SYN3: variants seen among roughly 807,000 people sequenced by gnomAD.
The protein encoded by SYN3 is synapsin-3.
SYN3 carries 35 observed loss-of-function variants against 65.8 expected under a neutral mutation model. That is an observed-to-expected ratio of 0.53 (90% CI 0.41 to 0.70). The LOEUF (loss-of-function observed/expected upper bound fraction) is 0.70. SYN3 is among the 30% of genes least tolerant of loss of function. The pLI is 0.00. For missense variants in SYN3, 680 were observed against 749.0 expected (o/e 0.91, Z 1.08); for synonymous variants, 270 against 292.9 (o/e 0.92, Z 0.80).
chr22:32,789,062 G>A (rs970381519), intron 6 of SYN3, among the ~76,000 whole-genome samples: 4 of 152,208 alleles, frequency 2.6e-5, no homozygotes, highest in African/African-American at 4.8e-5. Flanking sequence ...AGCTGGCTCC[G>A]GCTCCAGGCC....
chr22:32,849,350 C>A, intron 6 of SYN3: 1 of 945,664 alleles, frequency 1.1e-6, no homozygotes, highest in Non-Finnish European at 1.7e-6. Context: ...GGTAAGAGTG[C>A]AATTCCAGGC....
intron 6 of SYN3, among the ~76,000 whole-genome samples, chr22:32,671,300 G>C (rs915012453): frequency 2.0e-5 from 3 of 150,350 alleles, no homozygotes; most frequent in African/African-American, 7.4e-5. Flanking sequence ...TCACAGACAC[G>C]CACACATTCA....
chr22:32,741,468 G>T (rs2061405153), intron 6 of SYN3, among the ~76,000 whole-genome samples: 1 of 147,106 alleles, frequency 6.8e-6, no homozygotes, highest in Non-Finnish European at 1.5e-5. Context: ...CCATTCTCCT[G>T]CCTCAGCCTC....
chr22:32,824,988 C>T (rs569680563), intron 6 of SYN3, among the ~76,000 whole-genome samples: 4 of 152,276 alleles, frequency 2.6e-5, no homozygotes, highest in African/African-American at 9.6e-5. Context: ...CTTCCTGGCC[C>T]CGCCTGTCTT....
intron 4 of SYN3, among the ~76,000 whole-genome samples, chr22:32,877,137 C>G (rs1441643753): frequency 6.6e-6 from 1 of 152,220 alleles, no homozygotes; most frequent in Non-Finnish European, 1.5e-5. Flanking sequence ...CTGTTAGTCC[C>G]TTTCCACCCC....
At chr22:32,889,493 T>G (rs886958792) in intron 4 of SYN3, among the ~76,000 whole-genome samples, 2 of 151,604 alleles carry the variant, frequency 1.3e-5, no homozygotes, top group Admixed American at 1.3e-4. Context: ...TTAAAGAAAA[T>G]AAAATCAAAT....
At chr22:32,536,945 A>G (rs1329025922) in intron 9 of SYN3, among the ~76,000 whole-genome samples, 5 of 152,162 alleles carry the variant, frequency 3.3e-5, no homozygotes, top group Non-Finnish European at 7.3e-5. Flanking sequence ...GAGTTCTTAG[A>G]GGGAAGGATT....
intron 1 of SYN3, among the ~76,000 whole-genome samples, chr22:33,028,549 G>A (rs1170487155): frequency 6.6e-6 from 1 of 152,072 alleles, no homozygotes; most frequent in East Asian, 1.9e-4. Flanking sequence ...CAGTCTCCAG[G>A]CTGGATGATC....
chr22:33,036,088 A>G (rs2053854597), intron 1 of SYN3, among the ~76,000 whole-genome samples: 1 of 152,220 alleles, frequency 6.6e-6, no homozygotes, highest in East Asian at 1.9e-4. Flanking sequence ...AAGTCTCACA[A>G]GAGTATAAGC....
intron 6 of SYN3, among the ~76,000 whole-genome samples, chr22:32,672,266 G>A (rs904006127): frequency 6.6e-6 from 1 of 152,120 alleles, no homozygotes; most frequent in Non-Finnish European, 1.5e-5. Context: ...CATCTATACA[G>A]TACTGATCCA....
intron 6 of SYN3, among the ~76,000 whole-genome samples, chr22:32,640,033 C>G (rs2059873545): frequency 6.6e-6 from 1 of 152,238 alleles, no homozygotes; most frequent in Non-Finnish European, 1.5e-5. Flanking sequence ...AAACTGTTCT[C>G]TCCACAAACA....
chr22:32,641,830 G>A (rs2059905702), intron 6 of SYN3, among the ~76,000 whole-genome samples: 2 of 152,088 alleles, frequency 1.3e-5, no homozygotes, highest in African/African-American at 2.4e-5. Flanking sequence ...TCTCAATAAA[G>A]CTGATATTAA....
chr22:32,690,596 C>G (rs1266232862), intron 6 of SYN3, among the ~76,000 whole-genome samples: 1 of 152,232 alleles, frequency 6.6e-6, no homozygotes, highest in East Asian at 1.9e-4. Flanking sequence ...TCTCAATGCC[C>G]CCAGTTTACT....
chr22:32,783,083 A>G (rs2046110907), intron 6 of SYN3: 1 of 152,198 alleles, frequency 6.6e-6, no homozygotes, highest in African/African-American at 2.4e-5. Context: ...TCCACAGCAG[A>G]GAACTAAGCT....
chr22:32,510,984 CGTGTGTGTGTGT>C lies in SYN3; in HGVS notation c.*2696_*2707del, dbSNP rs111308299. On this transcript the variant is annotated 3_prime_UTR_variant, in exon 14 of 14. Coordinates refer to ENST00000358763, the MANE Select transcript of SYN3 (RefSeq NM_003490.4). Reference sequence around the variant, plus strand: ...TGTCAATTCCAAGTTATTGTCCAGGCGTGTGTGTGTGTGTGTGTGTGTGTGTGTGTGTAAGGG... The same window carrying C: ...TGTCAATTCCAAGTTATTGTCCAGGCGTGTGTGTGTGTGTGTGTGTAAGGG... Among the ~76,000 whole-genome samples, 8 of 143,030 alleles carry C rather than the reference CGTGTGTGTGTGT, an allele frequency of 5.6e-5. No homozygotes were observed. The South Asian group carries it at 6.9e-4, about 12-fold the overall frequency. The allele number at this position is 143,030 out of a possible 152,430, so 93.8% of individuals were successfully genotyped here.
At chr22:32,952,294 G>GT (rs200795963) in intron 3 of SYN3, among the ~76,000 whole-genome samples, 25 of 148,630 alleles carry the variant, frequency 1.7e-4, no homozygotes, top group African/African-American at 6.5e-4. Flanking sequence ...ATGTGTGTGT[G>GT]GGGGGGTGTG....
At chr22:32,743,498 G>A (rs993510490) in intron 6 of SYN3, among the ~76,000 whole-genome samples, 3 of 152,134 alleles carry the variant, frequency 2.0e-5, no homozygotes, top group African/African-American at 7.2e-5. Flanking sequence ...AGAGAGAGGT[G>A]GAGGAGACGC....
chr22:32,759,329 C>T (rs1473435337), intron 6 of SYN3, among the ~76,000 whole-genome samples: 1 of 152,078 alleles, frequency 6.6e-6, no homozygotes, highest in East Asian at 1.9e-4. Context: ...GATGGTCACA[C>T]CATGGGGCTC....
In SYN3 at chr22:32,510,567, G is replaced by A. The variant is rs909019677; in HGVS notation, c.*3125C>T. Reference sequence around the variant, plus strand: ...CTGCCCTACAAGTTTTCTCTTACCCGTTTATTCAGGATGTCACACAGCATT... The same window carrying A: ...CTGCCCTACAAGTTTTCTCTTACCCATTTATTCAGGATGTCACACAGCATT... On this transcript the variant is annotated 3_prime_UTR_variant, in exon 14 of 14. Coordinates refer to ENST00000358763, the MANE Select transcript of SYN3 (RefSeq NM_003490.4). 2.6e-5 allele frequency among the ~76,000 whole-genome samples: 4 copies of A among 152,180 alleles called. No homozygotes were observed. Among genetic ancestry groups the A allele is most frequent in the South Asian group, 4.2e-4 (2 of 4,810 alleles).
Sources: allele counts gnomAD v4.1 joint callset (sites outside exome capture counted in the v4.1 genomes callset), GRCh38; gene constraint gnomAD v4.1.1; transcripts MANE v1.5; gene names NCBI Gene and HGNC (gene_info 2026-07-23, HGNC 2026-07-21).